ADGRF1: variants seen among roughly 807,000 people sequenced by gnomAD.
ADGRF1 encodes the protein G protein-coupled receptor 110.
Under a neutral mutation model 87.2 loss-of-function variants are expected in ADGRF1, and 85 were observed. That is an observed-to-expected ratio of 0.97 (90% CI 0.82 to 1.17). The LOEUF (loss-of-function observed/expected upper bound fraction) is 1.17. ADGRF1 is among the 50% of genes most tolerant of loss of function. ADGRF1 has a pLI of 0.00. For synonymous variants in ADGRF1, 430 were observed against 408.8 expected, an observed-to-expected ratio of 1.05 and a Z score of -0.63; for missense variants, 1,169 against 1,077.2, an observed-to-expected ratio of 1.09 and a Z score of -1.19.
chr6:47,009,369 A>T lies in ADGRF1; in HGVS notation c.2066T>A (p.Val689Glu), dbSNP rs1779625513. The T allele has an allele frequency of 6.2e-7, 1 of 1,614,160 alleles. No individual in the cohort carries two copies. Among genetic ancestry groups the T allele is most frequent in the African/African-American group, 1.3e-5 (1 of 75,058 alleles). Residue 689 changes from valine (V) to glutamate (E), a missense_variant, in exon 11 of 15, where the codon GTG becomes GAG. Coordinates refer to ENST00000371253, the MANE Select transcript of ADGRF1 (RefSeq NM_153840.4). ...CAAATGCTGGGCCATGTGATGGAAC[A>T]CGAGGATGATCCGGTAAGCCAGCAG... ...GILLAYRIILVFHHMAQHLMM... is the reference protein window; with the variant it reads ...GILLAYRIILEFHHMAQHLMM...
At chr6:47,025,171 A>G (rs1226487) in intron 4 of ADGRF1, among the ~76,000 whole-genome samples, 11,884 of 152,148 alleles carry the variant, frequency 0.078, 1,049 homozygotes, top group East Asian at 0.2. Flanking sequence ...GTAGATCAAG[A>G]ACCAGGGCAA....
chr6:47,024,230 T>G lies in ADGRF1; in HGVS notation c.278-13A>C. 6.2e-7 allele frequency: 1 copy of G among 1,604,716 alleles called. No individual in the cohort carries two copies. On this transcript the variant is annotated splice_polypyrimidine_tract_variant and intron_variant, in intron 4 of 14. Coordinates refer to ENST00000371253, the MANE Select transcript of ADGRF1 (RefSeq NM_153840.4). ...AGGCTGTTGCAGTCTGCACAAGAAATAGAACTCAGTCTCATGGATTCTGGT... is the reference window on the plus strand; with the variant it reads ...AGGCTGTTGCAGTCTGCACAAGAAAGAGAACTCAGTCTCATGGATTCTGGT...
rs548802430 is a variant in ADGRF1 at position 46,999,948 on chromosome 6, G to C, written c.*274C>G. The C allele has an allele frequency of 1.4e-3, 394 of 282,134 alleles. No homozygotes were observed. Among genetic ancestry groups the C allele is most frequent in the Non-Finnish European group, 2.0e-3 (299 of 149,572 alleles). The allele number at this position is 282,134 out of a possible 1,614,324, so 17.5% of individuals were successfully genotyped here. On this transcript the variant is annotated 3_prime_UTR_variant, in exon 15 of 15. Coordinates refer to ENST00000371253, the MANE Select transcript of ADGRF1 (RefSeq NM_153840.4). ...ATGAAAATAGAAACCATATTTTATG[G>C]TCAGGGTACAACTGACACGATTTCC...
chr6:47,025,268 C>A (rs531245824), intron 4 of ADGRF1, among the ~76,000 whole-genome samples: 1 of 152,164 alleles, frequency 6.6e-6, no homozygotes, highest in Admixed American at 6.5e-5. Context: ...CCTGGAAGAT[C>A]TCACCCTGGA....
In ADGRF1 at chr6:47,009,786, T is replaced by G; in HGVS notation, c.1649A>C (p.His550Pro). 6.2e-7 allele frequency: 1 copy of G among 1,614,140 alleles called. No homozygotes were observed. Among genetic ancestry groups the G allele is most frequent in the Non-Finnish European group, 8.5e-7 (1 of 1,180,016 alleles). Residue 550 changes from histidine (H) to proline (P), a missense_variant, in exon 11 of 15, where the codon CAC becomes CCC. Coordinates refer to ENST00000371253, the MANE Select transcript of ADGRF1 (RefSeq NM_153840.4). ...SHLQWNDAGC[H>P]LVNETQDIVT... ...GATGTCTTGAGTTTCATTCACTAGGTGGCAGCCTGCATCGTTCCACTGCAA... is the reference window on the plus strand; with the variant it reads ...GATGTCTTGAGTTTCATTCACTAGGGGGCAGCCTGCATCGTTCCACTGCAA...
intron 1 of ADGRF1, among the ~76,000 whole-genome samples, chr6:47,029,947 G>A (rs1780360248): frequency 6.6e-6 from 1 of 152,124 alleles, no homozygotes; most frequent in Non-Finnish European, 1.5e-5. Flanking sequence ...ACCTTCTTCT[G>A]GCCTCTCAAT....
chr6:47,007,429 C>A, intron 11 of ADGRF1, 135 bp from the exon 12 acceptor site: 1 of 545,018 alleles, frequency 1.8e-6, no homozygotes, highest in Middle Eastern at 4.9e-4. Flanking sequence ...ACTGTAGTCT[C>A]CTTGAAAGCA....
At chr6:47,031,151 T>C (rs1282616113) in intron 1 of ADGRF1, among the ~76,000 whole-genome samples, 1 of 152,204 alleles carries the variant, frequency 6.6e-6, no homozygotes. Context: ...AGCTTTCAAA[T>C]GGGATAACAG....
chr6:47,005,580 T>A (rs1372104423), intron 13 of ADGRF1, among the ~76,000 whole-genome samples: 1 of 152,204 alleles, frequency 6.6e-6, no homozygotes, highest in Non-Finnish European at 1.5e-5. Context: ...CAGACTTCCA[T>A]ACTTGAGCAT....
rs1478283736 is a variant in ADGRF1, at chr6:47,035,446, T to C, written c.-43-6342A>G. On this transcript the variant is annotated intron_variant, in intron 1 of 14. Coordinates refer to ENST00000371253, the MANE Select transcript of ADGRF1 (RefSeq NM_153840.4). ...AACAGAACTCCAGAGAGGTGATAGCTACCTAATTAAAAGAAATAAAATAAT... is the reference window on the plus strand; with the variant it reads ...AACAGAACTCCAGAGAGGTGATAGCCACCTAATTAAAAGAAATAAAATAAT... 3.3e-5 allele frequency among the ~76,000 whole-genome samples: 5 copies of C among 151,076 alleles called. No individual in the cohort carries two copies. In the South Asian group the frequency reaches 1.0e-3, roughly 31 times the overall value.
At chr6:47,028,965 A>T (rs771439751) in intron 2 of ADGRF1, 28 bp downstream of exon 2, 1 of 1,584,728 alleles carries the variant, frequency 6.3e-7, no homozygotes, top group South Asian at 1.1e-5. Flanking sequence ...TTAGTTGAGA[A>T]GAGATATGAG....
chr6:47,042,012 C>T (rs796527961), intron 1 of ADGRF1, among the ~76,000 whole-genome samples, 179 bp downstream of exon 1: 6 of 152,274 alleles, frequency 3.9e-5, no homozygotes, highest in African/African-American at 1.2e-4. Flanking sequence ...GGGTTGAAAT[C>T]TGTTGTTTCT....
In ADGRF1 at chr6:47,016,773, A is replaced by C. The variant is rs1779893876; in HGVS notation, c.612-5T>G. 6.3e-7 allele frequency: 1 copy of C among 1,578,480 alleles called. No homozygotes were observed. The highest frequency in any genetic ancestry group is 8.7e-7 in the Non-Finnish European group (1 of 1,154,782). Reference sequence around the variant, plus strand: ...CCAGCAACGATGCTTCCATTTCTGCAGTGATTATGGGGAAAGAGAAATGAG... The same window carrying C: ...CCAGCAACGATGCTTCCATTTCTGCCGTGATTATGGGGAAAGAGAAATGAG... On this transcript the variant is annotated splice_region_variant and splice_polypyrimidine_tract_variant and intron_variant, in intron 7 of 14. Coordinates refer to ENST00000371253, the MANE Select transcript of ADGRF1 (RefSeq NM_153840.4).
At chr6:47,030,307 C>A (rs558126763) in intron 1 of ADGRF1, among the ~76,000 whole-genome samples, 1 of 152,304 alleles carries the variant, frequency 6.6e-6, no homozygotes, top group East Asian at 1.9e-4. Flanking sequence ...TTACCTTTTC[C>A]TTTCGGATGA....
At chr6:47,016,956 A>C in intron 7 of ADGRF1, 188 bp from the exon 8 acceptor site, 1 of 482,144 alleles carries the variant, frequency 2.1e-6, no homozygotes, top group Non-Finnish European at 2.9e-6. Flanking sequence ...TATGATATAT[A>C]TATATGTATA....
chr6:47,005,743 G>A (rs1464264034), intron 13 of ADGRF1, 74 bp downstream of exon 13: 1 of 1,081,566 alleles, frequency 9.2e-7, no homozygotes, highest in Non-Finnish European at 1.4e-6. Context: ...TTGGCTTGCA[G>A]CAAGACTGTA....
intron 1 of ADGRF1, among the ~76,000 whole-genome samples, chr6:47,036,185 G>A (rs1285668449): frequency 2.0e-5 from 3 of 151,896 alleles, no homozygotes; most frequent in East Asian, 1.9e-4. Flanking sequence ...AGCCAAGATC[G>A]CGCCACTGCA....
intron 7 of ADGRF1, chr6:47,019,466 G>T: frequency 1.0e-5 from 6 of 599,728 alleles, no homozygotes; most frequent in Non-Finnish European, 1.3e-5. Flanking sequence ...GGCGGATCAC[G>T]AGGTCAGGAG....
chr6:47,004,136 G>A (rs1779444146), intron 13 of ADGRF1, among the ~76,000 whole-genome samples: 1 of 152,092 alleles, frequency 6.6e-6, no homozygotes, highest in African/African-American at 2.4e-5. Context: ...GCCTGTCACT[G>A]CTGTGCTGGG....
Sources: gnomAD v4.1 joint callset for allele counts (sites outside exome capture counted in the v4.1 genomes callset) on GRCh38, gnomAD v4.1.1 for gene constraint, MANE v1.5 for transcripts, NCBI Gene and HGNC (gene_info 2026-07-23, HGNC 2026-07-21) for gene names.